DBNDD2: variants seen among roughly 807,000 people sequenced by gnomAD.
DBNDD2 encodes the protein dysbindin domain containing 2.
A neutral mutation model predicts 14.0 loss-of-function variants in DBNDD2; 8 were observed. That is an observed-to-expected ratio of 0.57 (90% CI 0.33 to 1.03). The LOEUF (loss-of-function observed/expected upper bound fraction) is 1.03. DBNDD2 is among the 50% of genes least tolerant of loss of function. DBNDD2 has a pLI of 0.03. For synonymous variants in DBNDD2, 94 were observed against 85.3 expected (o/e 1.10, Z -0.56); for missense variants, 194 against 206.0 (o/e 0.94, Z 0.36).
upstream of DBNDD2, chr20:45,408,107 A>G: frequency 6.7e-7 from 1 of 1,489,846 alleles, no homozygotes. Flanking sequence ...GGGAAAACGT[A>G]CCTCCTCCAT....
At position 45,409,973 on chromosome 20, in the gene DBNDD2, A is replaced by G. The variant is rs1989753801; in HGVS notation, c.319A>G (p.Thr107Ala). 6.4e-7 allele frequency: 1 copy of G among 1,551,764 alleles called. No individual in the cohort carries two copies. The highest frequency in any genetic ancestry group is 8.7e-7 in the Non-Finnish European group (1 of 1,147,010). The change falls in exon 3 of 3, where the codon ACA becomes GCA. Residue 107 changes from threonine (T) to alanine (A), a missense_variant. Transcript: ENST00000372710. ...HLEELSLPVP[T>A]SDRTTSRTSS... ...GGAGGAGCTGAGCCTGCCGGTGCCTACATCAGACAGGACCACATCTAGGAC... is the reference window on the plus strand; with the variant it reads ...GGAGGAGCTGAGCCTGCCGGTGCCTGCATCAGACAGGACCACATCTAGGAC...
rs753446087 is a variant in DBNDD2 at position 45,409,997 on chromosome 20, ACCTCCTCCT to A, written c.355_363del (p.Ser119_Ser121del). On this transcript the variant is annotated inframe_deletion, in exon 3 of 3. Coordinates refer to ENST00000372710, the MANE Select transcript of DBNDD2 (RefSeq NM_001048225.4). ...TACATCAGACAGGACCACATCTAGG[ACCTCCTCCT>A]CCTCCTCCTCCGACTCCTCCACCAA... The A allele has an allele frequency of 1.1e-5, 17 of 1,550,674 alleles. No individual in the cohort carries two copies. The highest frequency in any genetic ancestry group is 4.8e-5 in the South Asian group (4 of 83,994).
chr20:45,406,155 C>T (rs1455611877), upstream of DBNDD2: 4 of 378,700 alleles, frequency 1.1e-5, no homozygotes, highest in Non-Finnish European at 1.4e-5. Context: ...CTGCCCCCTC[C>T]TGCGGGTCCC....
At chr20:45,406,622 G>C, upstream of DBNDD2, 4 of 1,406,016 alleles carry the variant, frequency 2.8e-6, no homozygotes, top group Non-Finnish European at 2.8e-6. Context: ...TCGGTCCCCC[G>C]GGAGCCCTGG....
chr20:45,408,625 G>C lies in DBNDD2; in HGVS notation c.139+19G>C. ...CAGAGACGTAAGTCCCAAGTCCTGA[G>C]AAGAGGGACTGGGGTAGGGTAGGGA... On this transcript the variant is annotated intron_variant, in intron 1 of 2. Coordinates refer to ENST00000372710, the MANE Select transcript of DBNDD2 (RefSeq NM_001048225.4). The C allele has an allele frequency of 6.2e-7, 1 of 1,608,880 alleles. No individual in the cohort carries two copies. The highest frequency in any genetic ancestry group is 2.2e-5 in the East Asian group (1 of 44,788).
chr20:45,406,136 G>C (rs914040858), upstream of DBNDD2: 8 of 315,172 alleles, frequency 2.5e-5, no homozygotes, highest in South Asian at 4.7e-5. Context: ...GCGGCACCGG[G>C]TCAGTGCCCT....
upstream of DBNDD2, chr20:45,406,412 G>C: frequency 6.7e-7 from 1 of 1,488,882 alleles, no homozygotes; most frequent in Admixed American, 2.2e-5. Context: ...TCGGTGGCGA[G>C]GGTGGTGCAG....
At chr20:45,407,809 G>T, upstream of DBNDD2, 1 of 1,040,992 alleles carries the variant, frequency 9.6e-7, no homozygotes, top group African/African-American at 1.7e-5. Context: ...TTCAGATGGG[G>T]AGACTAAGAC....
At chr20:45,406,508 G>A (rs1227794050), upstream of DBNDD2, 1 of 1,525,398 alleles carries the variant, frequency 6.6e-7, no homozygotes, top group South Asian at 1.2e-5. Flanking sequence ...CGCTCGCAGG[G>A]GCTGCCTCCG....
At chr20:45,408,093 T>G, upstream of DBNDD2, 1 of 1,479,380 alleles carries the variant, frequency 6.8e-7, no homozygotes, top group Non-Finnish European at 9.0e-7. Flanking sequence ...CGGGGCCAAT[T>G]AAGGGGAAAA....
In DBNDD2 at chr20:45,410,074, C is replaced by T. The variant is rs1989763459; in HGVS notation, c.420C>T (p.Pro140=). 11 of 1,554,956 alleles carry T rather than the reference C, an allele frequency of 7.1e-6. No individual in the cohort carries two copies. The highest frequency in any genetic ancestry group is 9.6e-6 in the Non-Finnish European group (11 of 1,148,668). ...PNPSDDGADT[P]LAQSDEEEER... is the part of the protein sequence containing the mutation. ...CAAGTGATGATGGAGCAGATACGCC[C>T]TTGGCACAGTCGGATGAAGAGGAGG... Residue 140 remains proline (P), a synonymous_variant, in exon 3 of 3, where the codon CCC becomes CCT. Coordinates refer to ENST00000372710, the MANE Select transcript of DBNDD2 (RefSeq NM_001048225.4).
chr20:45,410,085 C>A lies in DBNDD2; in HGVS notation c.431C>A (p.Ser144Ter). Residue 144 changes from serine to a stop codon, truncating the protein, a stop_gained, in exon 3 of 3, where the codon TCG (serine) becomes TAG (stop). Coordinates refer to ENST00000372710, the MANE Select transcript of DBNDD2 (RefSeq NM_001048225.4). LOFTEE classifies it high-confidence loss of function. The part of the protein sequence containing the change: ...DDGADTPLAQ[S>*]DEEEERGDGG... The stretch of plus-strand genomic sequence containing the variant: ...GGAGCAGATACGCCCTTGGCACAGT[C>A]GGATGAAGAGGAGGAAAGGGGTGAT... The A allele has an allele frequency of 6.4e-7, 1 of 1,554,326 alleles. No homozygotes were observed. Among genetic ancestry groups the A allele is most frequent in the South Asian group, 1.2e-5 (1 of 84,134 alleles).
chr20:45,406,521 C>A (rs1019509659), upstream of DBNDD2: 3 of 1,520,620 alleles, frequency 2.0e-6, no homozygotes, highest in Admixed American at 2.1e-5. Context: ...TGCCTCCGAC[C>A]GCCGGGCGAG....
At chr20:45,406,528 C>A, upstream of DBNDD2, 2 of 1,520,062 alleles carry the variant, frequency 1.3e-6, no homozygotes, top group Admixed American at 2.1e-5. Flanking sequence ...GACCGCCGGG[C>A]GAGCTGCGAG....
upstream of DBNDD2, chr20:45,407,164 T>A: frequency 3.0e-6 from 1 of 336,130 alleles, no homozygotes; most frequent in Non-Finnish European, 4.2e-6. Flanking sequence ...TCCCTCCCCC[T>A]CCTCGCTGCT....
intron 2 of DBNDD2, 107 bp from the exon 3 acceptor site, chr20:45,409,825 G>T: frequency 1.7e-6 from 2 of 1,187,138 alleles, no homozygotes; most frequent in Non-Finnish European, 1.2e-6. Flanking sequence ...AAGTCACTTT[G>T]GACAAGTCTC....
chr20:45,408,420 C>T lies in DBNDD2; in HGVS notation c.-48C>T, dbSNP rs866010059. On this transcript the variant is annotated 5_prime_UTR_variant, in exon 1 of 3. Transcript: ENST00000372710. ...CCCAGGTCCCCTCTGTCTTCTCTTTCGACTTTGCAGCTGTACTTGTTTTGC... is the reference window on the plus strand; with the variant it reads ...CCCAGGTCCCCTCTGTCTTCTCTTTTGACTTTGCAGCTGTACTTGTTTTGC... The T allele has an allele frequency of 1.9e-6, 3 of 1,614,218 alleles. No individual in the cohort carries two copies. Among genetic ancestry groups the T allele is most frequent in the African/African-American group, 1.3e-5 (1 of 75,072 alleles).
At chr20:45,409,091 T>G in intron 2 of DBNDD2, 153 bp downstream of exon 2, 1 of 1,517,342 alleles carries the variant, frequency 6.6e-7, no homozygotes, top group Non-Finnish European at 9.0e-7. Flanking sequence ...GTTCTGATTT[T>G]AGGGAAGTTG....
intron 2 of DBNDD2, 169 bp downstream of exon 2, chr20:45,409,107 G>T: frequency 7.3e-7 from 1 of 1,369,314 alleles, no homozygotes; most frequent in East Asian, 2.5e-5. Context: ...AGTTGACCCT[G>T]AGGGAGAACT....
Sources: gnomAD v4.1 joint callset for allele counts on GRCh38, gnomAD v4.1.1 for gene constraint, MANE v1.5 for transcripts, NCBI Gene and HGNC (gene_info 2026-07-23, HGNC 2026-07-21) for gene names.